DCC: variants seen among roughly 807,000 people sequenced by gnomAD.
DCC encodes DCC netrin 1 receptor.
DCC carries 58 observed loss-of-function variants against 172.5 expected under a neutral mutation model. The ratio of observed to expected loss-of-function variants is 0.34; its 90% confidence interval spans 0.27 to 0.42. The LOEUF is 0.42. Among genes scored for constraint, DCC ranks in the 10% least tolerant of loss-of-function variants. The probability of loss-of-function intolerance (pLI) is 1.00; values close to 1 mark genes in which losing one functional copy is unlikely to be tolerated. For synonymous variants in DCC, 709 were observed against 644.5 expected, an observed-to-expected ratio of 1.10 and a Z score of -1.52; for missense variants, 1,740 against 1,791.0, an observed-to-expected ratio of 0.97 and a Z score of 0.51.
At chr18:52,732,104 A>G (rs543645041) in intron 1 of DCC, among the ~76,000 whole-genome samples, 18 of 152,284 alleles carry the variant, frequency 1.2e-4, no homozygotes, top group African/African-American at 4.3e-4. Flanking sequence ...CTAACTCTTG[A>G]GGTTGCCATA....
At chr18:52,713,466 C>T (rs147132871) in intron 1 of DCC, among the ~76,000 whole-genome samples, 1 of 152,288 alleles carries the variant, frequency 6.6e-6, no homozygotes, top group East Asian at 1.9e-4. Flanking sequence ...CCACCCTGGC[C>T]ACCTGGTGCC....
At chr18:52,890,664 C>G (rs1295224135) in intron 2 of DCC, among the ~76,000 whole-genome samples, 1 of 152,050 alleles carries the variant, frequency 6.6e-6, no homozygotes, top group Non-Finnish European at 1.5e-5. Context: ...AGTTCTATAT[C>G]TAAGACTCAG....
intron 5 of DCC, among the ~76,000 whole-genome samples, chr18:52,969,429 C>A (rs2040986737): frequency 6.6e-6 from 1 of 152,164 alleles, no homozygotes; most frequent in Non-Finnish European, 1.5e-5. Flanking sequence ...ATTCTTTCCC[C>A]TCACTTCCAT....
chr18:52,417,503 G>A (rs1598801851), intron 1 of DCC, among the ~76,000 whole-genome samples: 1 of 152,082 alleles, frequency 6.6e-6, no homozygotes, highest in Admixed American at 6.5e-5. Flanking sequence ...TCACTTTCAG[G>A]TGCACCAATC....
intron 1 of DCC, among the ~76,000 whole-genome samples, chr18:52,404,756 C>T (rs1418758788): frequency 1.3e-5 from 2 of 151,152 alleles, no homozygotes; most frequent in African/African-American, 2.4e-5. Context: ...TGGTGCGCTG[C>T]ACCCACTAAC....
chr18:53,063,474 T>C lies in DCC; in HGVS notation c.1140+15T>C. ...TTCAGATAGTGGTAATTATTTTGTT[T>C]CATATTTGTTTTATAATCCCATTCA... On this transcript the variant is annotated intron_variant, in intron 6 of 28. Coordinates refer to ENST00000442544, the MANE Select transcript of DCC (RefSeq NM_005215.4). The C allele has an allele frequency of 6.3e-7, 1 of 1,577,692 alleles. No individual in the cohort carries two copies. Among genetic ancestry groups the C allele is most frequent in the Non-Finnish European group, 8.7e-7 (1 of 1,147,556 alleles).
intron 1 of DCC, among the ~76,000 whole-genome samples, chr18:52,343,299 C>A (rs1983738988): frequency 6.6e-6 from 1 of 152,182 alleles, no homozygotes; most frequent in African/African-American, 2.4e-5. Context: ...GTAGGAGGTG[C>A]CCTTAATAAG....
intron 3 of DCC, among the ~76,000 whole-genome samples, chr18:52,917,450 T>C (rs974446923): frequency 1.3e-5 from 2 of 152,238 alleles, no homozygotes; most frequent in African/African-American, 4.8e-5. Flanking sequence ...TCAATAATTT[T>C]CAAAAGCACA....
At chr18:52,483,142 G>A (rs1024235010) in intron 1 of DCC, among the ~76,000 whole-genome samples, 15 of 151,976 alleles carry the variant, frequency 9.9e-5, no homozygotes, top group Non-Finnish European at 1.6e-4. Flanking sequence ...GTATCTCTGC[G>A]AAATCCGCCT....
chr18:52,906,270 A>G lies in DCC; in HGVS notation c.639A>G (p.Ser213=). ...GGGACATTGGAATTTACCGATGCTC[A>G]GCTCGAAATCCAGCCAGCTCAAGAA... ...QPGDIGIYRC[S]ARNPASSRTG... Residue 213 remains serine, a synonymous_variant, in exon 3 of 29, where the codon TCA becomes TCG. Coordinates refer to ENST00000442544, the MANE Select transcript of DCC (RefSeq NM_005215.4). 1.9e-6 allele frequency: 3 copies of G among 1,614,072 alleles called. No individual in the cohort carries two copies. Among genetic ancestry groups the G allele is most frequent in the Non-Finnish European group, 2.5e-6 (3 of 1,180,022 alleles).
rs745985280 is a variant in DCC, at chr18:53,526,705, A to G, written c.4200A>G (p.Pro1400=). 1.2e-6 allele frequency: 2 copies of G among 1,613,558 alleles called. No individual in the cohort carries two copies. The highest frequency in any genetic ancestry group is 1.7e-6 in the Non-Finnish European group (2 of 1,179,704). The change falls in exon 28 of 29, where the codon CCA becomes CCG. Residue 1400 remains proline (P), a synonymous_variant. Coordinates refer to ENST00000442544, the MANE Select transcript of DCC (RefSeq NM_005215.4). The part of the protein sequence containing the change: ...ARSPLLPVSV[P]TAPEVSEESH... ...CCCCTTTGCTTCCTGTGTCTGTGCC[A>G]ACAGCCCCTGAAGTGTCTGAGGAGA...
intron 5 of DCC, among the ~76,000 whole-genome samples, chr18:53,017,070 T>TTTTTC (rs2041816882): frequency 1.3e-5 from 2 of 148,496 alleles, no homozygotes; most frequent in African/African-American, 4.9e-5. Flanking sequence ...TTTTTTTTTC[T>TTTTTC]TTTTCTTTTC....
intron 5 of DCC, among the ~76,000 whole-genome samples, chr18:52,961,980 T>C (rs2040849834): frequency 1.3e-5 from 2 of 152,232 alleles, no homozygotes; most frequent in East Asian, 1.9e-4. Context: ...AAGACTTAAA[T>C]GTTAGACCTA....
chr18:52,996,456 T>A (rs2041480872), intron 5 of DCC, among the ~76,000 whole-genome samples: 1 of 152,006 alleles, frequency 6.6e-6, no homozygotes. Flanking sequence ...CAACACAGCC[T>A]AACTTCACAT....
At chr18:52,934,605 T>C (rs958809914) in intron 5 of DCC, among the ~76,000 whole-genome samples, 1 of 152,188 alleles carries the variant, frequency 6.6e-6, no homozygotes, top group Non-Finnish European at 1.5e-5. Flanking sequence ...ATTTTTTCAT[T>C]GACCACTGCA....
At chr18:52,446,816 CT>C (rs1988139337) in intron 1 of DCC, among the ~76,000 whole-genome samples, 1 of 152,196 alleles carries the variant, frequency 6.6e-6, no homozygotes, top group South Asian at 2.1e-4. Context: ...TCCTGATCCC[CT>C]TAGTGGTTCC....
At chr18:52,361,781 T>A (rs951602387) in intron 1 of DCC, among the ~76,000 whole-genome samples, 4 of 152,228 alleles carry the variant, frequency 2.6e-5, no homozygotes, top group African/African-American at 9.6e-5. Context: ...GCATGTTTCC[T>A]ACTCAAATTG....
chr18:53,377,451 T>C (rs1456703667), intron 15 of DCC, among the ~76,000 whole-genome samples: 1 of 150,040 alleles, frequency 6.7e-6, no homozygotes, highest in African/African-American at 2.4e-5. Flanking sequence ...ACTCCACTCA[T>C]ACAATAGCAG....
chr18:52,525,714 A>C (rs71367283), intron 1 of DCC, among the ~76,000 whole-genome samples: 3,139 of 152,322 alleles, frequency 0.021, 52 homozygotes, highest in Non-Finnish European at 0.031. Context: ...TTAAGTGGAG[A>C]ACAGAAAAAT....
Sources: gnomAD v4.1 joint callset for allele counts (sites outside exome capture counted in the v4.1 genomes callset) on GRCh38, gnomAD v4.1.1 for gene constraint, MANE v1.5 for transcripts, NCBI Gene and HGNC (gene_info 2026-07-23, HGNC 2026-07-21) for gene names.